GALR3: variants seen among roughly 807,000 people sequenced by gnomAD.
GALR3 encodes the protein galanin receptor type 3.
Under a neutral mutation model 6.9 loss-of-function variants are expected in GALR3, and 5 were observed. The observed-to-expected ratio is 0.72, with a 90% CI of 0.38 to 1.52. The LOEUF is 1.52. GALR3 is among the 40% of genes most tolerant of loss of function. The probability of loss-of-function intolerance (pLI) is 0.03; values close to 1 mark genes in which losing one functional copy is unlikely to be tolerated. For synonymous variants in GALR3, 308 were observed against 263.6 expected (o/e 1.17, Z -1.63); for missense variants, 570 against 545.6 (o/e 1.04, Z -0.44).
At chr22:37,824,327 T>C (rs931297026) in intron 1 of GALR3, among the ~76,000 whole-genome samples, 1 of 152,006 alleles carries the variant, frequency 6.6e-6, no homozygotes. Context: ...CGCCTCGGCC[T>C]CCCAAGTGCT....
At position 37,824,782 on chromosome 22, in the gene GALR3, G is replaced by T. The variant is rs1047182497; in HGVS notation, c.419G>T (p.Arg140Leu). 7.7e-7 allele frequency: 1 copy of T among 1,305,528 alleles called. No individual in the cohort carries two copies. Among genetic ancestry groups the T allele is most frequent in the Non-Finnish European group, 9.7e-7 (1 of 1,026,636 alleles). 80.9% of individuals were successfully genotyped at this position (1,305,528 alleles called of 1,614,324 possible). ...SRALRTPRNA[R>L]AAVGLVWLLA... ...GCCCTGCGCACGCCGCGTAACGCCC[G>T]CGCCGCAGTGGGGCTGGTGTGGCTG... The change falls in exon 2 of 2, where the codon CGC becomes CTC. Residue 140 changes from arginine (R) to leucine (L), a missense_variant. By Grantham distance (102) the Arg-to-Leu change is moderately radical. Coordinates refer to ENST00000249041, the MANE Select transcript of GALR3 (RefSeq NM_003614.2).
rs1313332336 is a variant in GALR3 at position 37,825,199 on chromosome 22, TG to T, written c.838del (p.Ala280ProfsTer?). 6.7e-7 allele frequency: 1 copy of T among 1,486,594 alleles called. No homozygotes were observed. 92.1% of individuals were successfully genotyped at this position (1,486,594 alleles called of 1,614,324 possible). A position where few individuals can be genotyped will look rare whatever the true frequency, so the allele number is the denominator to read the frequency against. On this transcript the variant is annotated frameshift_variant, in exon 2 of 2. Coordinates refer to ENST00000249041, the MANE Select transcript of GALR3 (RefSeq NM_003614.2). LOFTEE classifies it low-confidence loss of function (END_TRUNC). ...GCCTGCCGCCTGGCCTCACACTGCC[TG>T]GCCTACGCCAACTCCTGCCTCAACC... ...TYACRLASHCLAYANSCLNPL... is the reference protein window; with the variant it reads ...TYACRLASHCXAYANSCLNPL...
rs1193989171 is a variant in GALR3 at position 37,824,763 on chromosome 22, C to A, written c.400C>A (p.Arg134Ser). The change falls in exon 2 of 2, where the codon CGC becomes AGC. Residue 134 changes from arginine to serine, a missense_variant. Transcript: ENST00000249041. ...VRHPLRSRALRTPRNARAAVG... is the reference protein window; with the variant it reads ...VRHPLRSRALSTPRNARAAVG... ...GCACCCGCTGCGCTCGCGCGCCCTGCGCACGCCGCGTAACGCCCGCGCCGC... is the reference window on the plus strand; with the variant it reads ...GCACCCGCTGCGCTCGCGCGCCCTGAGCACGCCGCGTAACGCCCGCGCCGC... 4 of 1,270,900 alleles carry A rather than the reference C, an allele frequency of 3.1e-6. No homozygotes were observed. Among genetic ancestry groups the A allele is most frequent in the Middle Eastern group, 3.0e-4 (1 of 3,314 alleles). The allele number at this position is 1,270,900 out of a possible 1,614,324, so 78.7% of individuals were successfully genotyped here. A position where few individuals can be genotyped will look rare whatever the true frequency, so the allele number is the denominator to read the frequency against.
Position 37,824,979 on chromosome 22 carries a change from C to T in GALR3, c.616C>T (p.Arg206Cys), listed in dbSNP as rs542736734. The T allele has an allele frequency of 8.1e-7, 1 of 1,231,912 alleles. No homozygotes were observed. Among genetic ancestry groups the T allele is most frequent in the Non-Finnish European group, 1.0e-6 (1 of 981,928 alleles). 76.3% of individuals were successfully genotyped at this position (1,231,912 alleles called of 1,614,324 possible). ...PVAVVSLAYG[R>C]TLRFLWAAVG... is the part of the protein sequence containing the mutation. ...GGCTGTGGTGAGCCTGGCCTACGGG[C>T]GCACGCTGCGCTTCCTGTGGGCCGC... Residue 206 changes from arginine to cysteine, a missense_variant, in exon 2 of 2, where the codon CGC becomes TGC. Arg to Cys is a radical substitution (Grantham distance 180, BLOSUM62 -3). Coordinates refer to ENST00000249041, the MANE Select transcript of GALR3 (RefSeq NM_003614.2).
At position 37,823,544 on chromosome 22, in the gene GALR3, C is replaced by T. The variant is rs74354373; in HGVS notation, c.138C>T (p.Gly46=). The part of the protein sequence containing the change: ...GLVLAVLLQP[G]PSAWQEPGST... ...TGCTGGCAGTGCTCCTGCAGCCTGG[C>T]CCGAGTGCCTGGCAGGAGCCTGGCA... Residue 46 remains glycine (G), a synonymous_variant, in exon 1 of 2, where the codon GGC becomes GGT. Coordinates refer to ENST00000249041, the MANE Select transcript of GALR3 (RefSeq NM_003614.2). 1,366 of 1,613,810 alleles carry T rather than the reference C, an allele frequency of 8.5e-4. 6 individuals carry two copies. In the African/African-American group the frequency reaches 0.016, roughly 19 times the overall value.
At position 37,824,864 on chromosome 22, in the gene GALR3, C is replaced by T; in HGVS notation, c.501C>T (p.Gly167=). The part of the protein sequence containing the change: ...YLSYYGTVRY[G]ALELCVPAWE... ...GCTACTACGGCACCGTGCGCTACGGCGCGCTGGAGCTCTGCGTGCCCGCCT... is the reference window on the plus strand; with the variant it reads ...GCTACTACGGCACCGTGCGCTACGGTGCGCTGGAGCTCTGCGTGCCCGCCT... Residue 167 remains glycine, a synonymous_variant, in exon 2 of 2, where the codon GGC becomes GGT. Transcript: ENST00000249041. 7.1e-7 allele frequency: 1 copy of T among 1,405,588 alleles called. No homozygotes were observed. Among genetic ancestry groups the T allele is most frequent in the South Asian group, 1.5e-5 (1 of 65,216 alleles). 87.1% of individuals were successfully genotyped at this position (1,405,588 alleles called of 1,614,324 possible). A position where few individuals can be genotyped will look rare whatever the true frequency, so the allele number is the denominator to read the frequency against.
At position 37,825,107 on chromosome 22, in the gene GALR3, G is replaced by C. The variant is rs1197672262; in HGVS notation, c.744G>C (p.Trp248Cys). ...TGGCCGCGCTCTACGCGCTCTGCTG[G>C]GGTCCGCACCACGCGCTCATCCTGT... The part of the protein sequence containing the change: ...LAVAALYALC[W>C]GPHHALILCF... The change falls in exon 2 of 2, where the codon TGG (tryptophan) becomes TGC (cysteine). Residue 248 changes from tryptophan to cysteine, a missense_variant. Transcript: ENST00000249041. 20 of 1,371,718 alleles carry C rather than the reference G, an allele frequency of 1.5e-5. No homozygotes were observed. The highest frequency in any genetic ancestry group is 6.4e-5 in the East Asian group (2 of 31,120). 85.0% of individuals were successfully genotyped at this position (1,371,718 alleles called of 1,614,324 possible). A position where few individuals can be genotyped will look rare whatever the true frequency, so the allele number is the denominator to read the frequency against.
rs546609991 is a variant in GALR3, at chr22:37,823,637, C to G, written c.231C>G (p.Pro77=). The change falls in exon 1 of 2, where the codon CCC becomes CCG. Residue 77 remains proline (P), a synonymous_variant. Coordinates refer to ENST00000249041, the MANE Select transcript of GALR3 (RefSeq NM_003614.2). The part of the protein sequence containing the change: ...ADLCFILCCV[P]FQATIYTLDA... ...TCTGCTTCATCCTGTGCTGCGTGCC[C>G]TTCCAGGCCACCATCTACACGCTGG... The G allele has an allele frequency of 3.7e-6, 6 of 1,613,602 alleles. No individual in the cohort carries two copies. The highest frequency in any genetic ancestry group is 3.3e-5 in the South Asian group (3 of 91,052).
chr22:37,823,734 A>G lies in GALR3; in HGVS notation c.328A>G (p.Ser110Gly). 6.2e-7 allele frequency: 1 copy of G among 1,608,934 alleles called. No homozygotes were observed. Among genetic ancestry groups the G allele is most frequent in the Non-Finnish European group, 8.5e-7 (1 of 1,176,638 alleles). ...CATCTACCTCACCATGTACGCCAGC[A>G]GCTTTACGCTGGCTGCTGTCTCCGT... is the stretch of plus-strand genomic sequence containing the variant. ...LLIYLTMYAS[S>G]FTLAAVSVDR... The change falls in exon 1 of 2, where the codon AGC (serine) becomes GGC (glycine). Residue 110 changes from serine (S) to glycine (G), a missense_variant. Physicochemically the swap from Ser to Gly is moderately conservative, Grantham distance 56. Coordinates refer to ENST00000249041, the MANE Select transcript of GALR3 (RefSeq NM_003614.2).
At position 37,823,773 on chromosome 22, in the gene GALR3, G is replaced by A; in HGVS notation, c.359+8G>A. Reference sequence around the variant, plus strand: ...TGCTGTCTCCGTGGACAGGTGCGCTGTGCCTGGGGCCTGGCTGGGCAGGGC... The same window carrying A: ...TGCTGTCTCCGTGGACAGGTGCGCTATGCCTGGGGCCTGGCTGGGCAGGGC... On this transcript the variant is annotated splice_region_variant and intron_variant, in intron 1 of 1. Coordinates refer to ENST00000249041, the MANE Select transcript of GALR3 (RefSeq NM_003614.2). 6.4e-7 allele frequency: 1 copy of A among 1,552,016 alleles called. No individual in the cohort carries two copies. Among genetic ancestry groups the A allele is most frequent in the Non-Finnish European group, 8.8e-7 (1 of 1,131,114 alleles).
Position 37,824,768 on chromosome 22 carries a change from G to A in GALR3, c.405G>A (p.Thr135=), listed in dbSNP as rs1046087251. The change falls in exon 2 of 2, where the codon ACG becomes ACA. Residue 135 remains threonine (T), a synonymous_variant. Transcript: ENST00000249041. The part of the protein sequence containing the change: ...RHPLRSRALR[T]PRNARAAVGL... ...CGCTGCGCTCGCGCGCCCTGCGCAC[G>A]CCGCGTAACGCCCGCGCCGCAGTGG... 5 of 1,274,164 alleles carry A rather than the reference G, an allele frequency of 3.9e-6. No individual in the cohort carries two copies. The highest frequency in any genetic ancestry group is 3.1e-5 in the African/African-American group (2 of 64,106). The allele number at this position is 1,274,164 out of a possible 1,614,324, so 78.9% of individuals were successfully genotyped here.
intron 1 of GALR3, among the ~76,000 whole-genome samples, 168 bp downstream of exon 1, chr22:37,823,933 C>T (rs1003295047): frequency 1.3e-5 from 2 of 152,110 alleles, no homozygotes; most frequent in Admixed American, 1.3e-4. Flanking sequence ...AGCCTCTGGG[C>T]ACCTGCAGGG....
chr22:37,824,694 C>T (rs954636230), intron 1 of GALR3, 29 bp from the exon 2 acceptor site: 153 of 1,187,746 alleles, frequency 1.3e-4, no homozygotes, highest in Non-Finnish European at 1.6e-4. Flanking sequence ...GGGCACCTGC[C>T]CGCCCCGCTG....
rs957848713 is a variant in GALR3 at position 37,824,859 on chromosome 22, T to TA, written c.497dup (p.Tyr166Ter). 3.3e-5 allele frequency: 47 copies of TA among 1,411,760 alleles called. No individual in the cohort carries two copies. Among genetic ancestry groups the TA allele is most frequent in the Non-Finnish European group, 3.7e-5 (40 of 1,077,654 alleles). 87.5% of individuals were successfully genotyped at this position (1,411,760 alleles called of 1,614,324 possible). ...CCTCAGCTACTACGGCACCGTGCGC[T>TA]ACGGCGCGCTGGAGCTCTGCGTGCC... ...PYLSYYGTVR[Y>*]GALELCVPAW... is the part of the protein sequence containing the mutation. Residue 166 changes from tyrosine (Y) to a stop codon, truncating the protein, a stop_gained and frameshift_variant, in exon 2 of 2, where the codon TAC (tyrosine) becomes TAAC (stop). Coordinates refer to ENST00000249041, the MANE Select transcript of GALR3 (RefSeq NM_003614.2). LOFTEE classifies it low-confidence loss of function (END_TRUNC).
chr22:37,824,805 C>T lies in GALR3; in HGVS notation c.442C>T (p.Leu148=). 7.3e-7 allele frequency: 1 copy of T among 1,375,128 alleles called. No individual in the cohort carries two copies. Among genetic ancestry groups the T allele is most frequent in the Non-Finnish European group, 9.4e-7 (1 of 1,059,634 alleles). 85.2% of individuals were successfully genotyped at this position (1,375,128 alleles called of 1,614,324 possible). The change falls in exon 2 of 2, where the codon CTG becomes TTG. Residue 148 remains leucine, a synonymous_variant. Transcript: ENST00000249041. ...NARAAVGLVW[L]LAALFSAPYL... ...CCGCGCCGCAGTGGGGCTGGTGTGG[C>T]TGCTGGCGGCGCTCTTCTCGGCGCC...
Position 37,825,423 on chromosome 22 carries a change from AG to A in GALR3, c.1063del (p.Glu355ArgfsTer?). 7.2e-7 allele frequency: 1 copy of A among 1,397,068 alleles called. No individual in the cohort carries two copies. The highest frequency in any genetic ancestry group is 9.3e-7 in the Non-Finnish European group (1 of 1,072,446). 86.5% of individuals were successfully genotyped at this position (1,397,068 alleles called of 1,614,324 possible). A position where few individuals can be genotyped will look rare whatever the true frequency, so the allele number is the denominator to read the frequency against. ...LAGGGQGPEP[R>X]EGPVHGGEAA... ...TGGTGGCGGCCAGGGCCCGGAGCCC[AG>A]GGAGGGACCCGTCCACGGCGGAGAG... On this transcript the variant is annotated frameshift_variant, in exon 2 of 2. Transcript: ENST00000249041. LOFTEE classifies it low-confidence loss of function (END_TRUNC).
chr22:37,824,822 C>A lies in GALR3; in HGVS notation c.459C>A (p.Phe153Leu). 7.1e-7 allele frequency: 1 copy of A among 1,401,730 alleles called. No individual in the cohort carries two copies. Among genetic ancestry groups the A allele is most frequent in the South Asian group, 1.5e-5 (1 of 65,280 alleles). 86.8% of individuals were successfully genotyped at this position (1,401,730 alleles called of 1,614,324 possible). A position where few individuals can be genotyped will look rare whatever the true frequency, so the allele number is the denominator to read the frequency against. Residue 153 changes from phenylalanine (F) to leucine (L), a missense_variant, in exon 2 of 2, where the codon TTC becomes TTA. By Grantham distance (22) the Phe-to-Leu change is conservative. Transcript: ENST00000249041. Reference sequence around the variant, plus strand: ...TGGTGTGGCTGCTGGCGGCGCTCTTCTCGGCGCCCTACCTCAGCTACTACG... The same window carrying A: ...TGGTGTGGCTGCTGGCGGCGCTCTTATCGGCGCCCTACCTCAGCTACTACG... ...VGLVWLLAAL[F>L]SAPYLSYYGT...
At chr22:37,824,573 A>T (rs1284884599) in intron 1 of GALR3, 150 bp from the exon 2 acceptor site, 2 of 323,626 alleles carry the variant, frequency 6.2e-6, no homozygotes, top group African/African-American at 4.4e-5. Context: ...GCAAGGGCCT[A>T]AGCACCTTGC....
rs752811216 is a variant in GALR3, at chr22:37,825,165, G to A, written c.802G>A (p.Ala268Thr). 4.7e-6 allele frequency: 7 copies of A among 1,488,430 alleles called. No individual in the cohort carries two copies. In the African/African-American group the frequency reaches 5.8e-5, roughly 12 times the overall value. The allele number at this position is 1,488,430 out of a possible 1,614,324, so 92.2% of individuals were successfully genotyped here. The change falls in exon 2 of 2, where the codon GCC (alanine) becomes ACC (threonine). Residue 268 changes from alanine (A) to threonine (T), a missense_variant. By Grantham distance (58) the Ala-to-Thr change is moderately conservative (BLOSUM62 0). Transcript: ENST00000249041. Reference sequence around the variant, plus strand: ...GTACGGCCGCTTCGCCTTCAGCCCGGCCACCTACGCCTGCCGCCTGGCCTC... The same window carrying A: ...GTACGGCCGCTTCGCCTTCAGCCCGACCACCTACGCCTGCCGCCTGGCCTC... ...FWYGRFAFSPATYACRLASHC... is the reference protein window; with the variant it reads ...FWYGRFAFSPTTYACRLASHC...
Sources: allele counts gnomAD v4.1 joint callset (sites outside exome capture counted in the v4.1 genomes callset), GRCh38; gene constraint gnomAD v4.1.1; transcripts MANE v1.5; gene names NCBI Gene and HGNC (gene_info 2026-07-23, HGNC 2026-07-21).